Variants in PLPPR3 observed in about 807,000 individuals in gnomAD.
PLPPR3 encodes phospholipid phosphatase-related protein type 3.
Under a neutral mutation model 27.3 loss-of-function variants are expected in PLPPR3, and 14 were observed. The ratio of observed to expected loss-of-function variants is 0.51; its 90% CI spans 0.34 to 0.80. The LOEUF is 0.80. Among genes scored for constraint, PLPPR3 ranks in the 30% least tolerant of loss-of-function variants. PLPPR3 has a pLI of 0.01. For missense variants in PLPPR3, 1,287 were observed against 1,056.9 expected (o/e 1.22, Z -3.02); for synonymous variants, 671 against 508.0 (o/e 1.32, Z -4.32).
At position 814,530 on chromosome 19, in the gene PLPPR3, C is replaced by T. The variant is rs139356853; in HGVS notation, c.735G>A (p.Ala245=). 6 of 1,611,772 alleles carry T rather than the reference C, an allele frequency of 3.7e-6. No homozygotes were observed. In the South Asian group the frequency reaches 4.4e-5, roughly 12 times the overall value. Residue 245 remains alanine, a synonymous_variant, in exon 7 of 8, where the codon GCG becomes GCA. Transcript: ENST00000520876. ...TGATCTGCGTGAGCCCGCATACGCC[C>T]GCGGCGATGGCAAAGGCGAAGACCA... ...PILVFAFAIA[A]GVCGLTQITQ...
rs2034997319 is a variant in PLPPR3, at chr19:813,791, G to C, written c.936C>G (p.Asp312Glu). The C allele has an allele frequency of 6.6e-7, 1 of 1,525,934 alleles. No homozygotes were observed. Among genetic ancestry groups the C allele is most frequent in the Non-Finnish European group, 8.8e-7 (1 of 1,142,448 alleles). The allele number at this position is 1,525,934 out of a possible 1,614,324, so 94.5% of individuals were successfully genotyped here. The change falls in exon 8 of 8, where the codon GAC (aspartate) becomes GAG (glutamate). Residue 312 changes from aspartate to glutamate, a missense_variant. Coordinates refer to ENST00000520876, the MANE Select transcript of PLPPR3 (RefSeq NM_001270366.2). The surrounding 1 kb of genome is among the most constrained non-coding windows in gnomAD (Gnocchi z 4.1). ...CCGACTTATTCTGCTGATAAACCGA[G>C]TCGTGGCCCCGCTGCGTCAGGGCCC... ...ALRALTQRGH[D>E]SVYQQNKSVS... is the part of the protein sequence containing the mutation.
In PLPPR3 at chr19:820,464, C is replaced by T. The variant is rs116577456; in HGVS notation, c.75+1021G>A. Among the ~76,000 whole-genome samples the T allele has an allele frequency of 4.6e-3, 706 of 151,998 alleles. 4 individuals carry two copies. Among genetic ancestry groups the T allele is most frequent in the African/African-American group, 0.016 (650 of 41,420 alleles). On this transcript the variant is annotated intron_variant, in intron 2 of 7. Coordinates refer to ENST00000520876, the MANE Select transcript of PLPPR3 (RefSeq NM_001270366.2). Reference sequence around the variant, plus strand: ...TCTCCCAAAGTGCTGGGATTACAAACATGACAAACGTGAGCCACCGCACAG... The same window carrying T: ...TCTCCCAAAGTGCTGGGATTACAAATATGACAAACGTGAGCCACCGCACAG...
In PLPPR3 at chr19:814,675, T is replaced by C. The variant is rs2035019548; in HGVS notation, c.657+17A>G. ...CAGCAAGAGGGCCTGGGAAGGGCAG[T>C]GAGGGGCCGGACTCACCGACACATA... On this transcript the variant is annotated intron_variant, in intron 6 of 7. Coordinates refer to ENST00000520876, the MANE Select transcript of PLPPR3 (RefSeq NM_001270366.2). 1 of 1,606,724 alleles carries C rather than the reference T, an allele frequency of 6.2e-7. No individual in the cohort carries two copies. The highest frequency in any genetic ancestry group is 1.1e-5 in the South Asian group (1 of 91,056).
Position 813,265 on chromosome 19 carries a change from C to G in PLPPR3, c.1462G>C (p.Ala488Pro). Residue 488 changes from alanine (A) to proline (P), a missense_variant, in exon 8 of 8, where the codon GCG (alanine) becomes CCG (proline). Physicochemically the swap from Ala to Pro is conservative, Grantham distance 27 (BLOSUM62 -1). Transcript: ENST00000520876. This position sits in a 1 kb window ranked among gnomAD's most constrained non-coding sequence, Gnocchi z 4.1. The stretch of plus-strand genomic sequence containing the variant: ...ATGTGCACCAGCGGCGGCGGCCCCG[C>G]GCGCGGTGGGAGGATGACCCGAGGC... ...LGPRVILPPRAGPPPLVHIPE... is the reference protein window; with the variant it reads ...LGPRVILPPRPGPPPLVHIPE... 3.4e-6 allele frequency: 5 copies of G among 1,472,530 alleles called. No individual in the cohort carries two copies. In the South Asian group the frequency reaches 6.5e-5, roughly 19 times the overall value. 91.2% of individuals were successfully genotyped at this position (1,472,530 alleles called of 1,614,324 possible).
Position 812,568 on chromosome 19 carries a change from C to T in PLPPR3, c.*2G>A, listed in dbSNP as rs1458096603. On this transcript the variant is annotated 3_prime_UTR_variant, in exon 8 of 8. Coordinates refer to ENST00000520876, the MANE Select transcript of PLPPR3 (RefSeq NM_001270366.2). ...CCCCCGCCCGCCCCCGGCCCCGCCGCGCTAGTCGGGGAAGCGGCGCGCCTG... is the reference window on the plus strand; with the variant it reads ...CCCCCGCCCGCCCCCGGCCCCGCCGTGCTAGTCGGGGAAGCGGCGCGCCTG... 1 of 1,030,066 alleles carries T rather than the reference C, an allele frequency of 9.7e-7. No individual in the cohort carries two copies. Among genetic ancestry groups the T allele is most frequent in the Non-Finnish European group, 1.2e-6 (1 of 856,488 alleles). 63.8% of individuals were successfully genotyped at this position (1,030,066 alleles called of 1,614,324 possible).
Position 814,955 on chromosome 19 carries a change from C to A in PLPPR3, c.530G>T (p.Cys177Phe), listed in dbSNP as rs1268632219. Residue 177 changes from cysteine to phenylalanine, a missense_variant, in exon 5 of 8, where the codon TGC (cysteine) becomes TTC (phenylalanine). Physicochemically the swap from Cys to Phe is radical, Grantham distance 205. Coordinates refer to ENST00000520876, the MANE Select transcript of PLPPR3 (RefSeq NM_001270366.2). The part of the protein sequence containing the change: ...KPNYTLLGTS[C>F]EVNPYITQDI... Reference sequence around the variant, plus strand: ...CTGCGTGATGTAGGGGTTGACCTCGCAGGACGTGCCCAGGAGAGTGTAGTT... The same window carrying A: ...CTGCGTGATGTAGGGGTTGACCTCGAAGGACGTGCCCAGGAGAGTGTAGTT... The A allele has an allele frequency of 6.2e-7, 1 of 1,612,598 alleles. No individual in the cohort carries two copies. The highest frequency in any genetic ancestry group is 8.5e-7 in the Non-Finnish European group (1 of 1,179,966).
intron 2 of PLPPR3, among the ~76,000 whole-genome samples, chr19:817,349 C>T (rs1437646039): frequency 6.6e-6 from 1 of 152,118 alleles, no homozygotes; most frequent in Non-Finnish European, 1.5e-5. Flanking sequence ...TCTCGGCTCA[C>T]TGCAAACTCC....
In PLPPR3 at chr19:815,169, C is replaced by A; in HGVS notation, c.403+17G>T. 1.2e-6 allele frequency: 2 copies of A among 1,601,958 alleles called. No homozygotes were observed. The highest frequency in any genetic ancestry group is 1.7e-6 in the Non-Finnish European group (2 of 1,178,784). On this transcript the variant is annotated intron_variant, in intron 4 of 7. Coordinates refer to ENST00000520876, the MANE Select transcript of PLPPR3 (RefSeq NM_001270366.2). ...ATGTGGAGGTAGCTCAGGGTCGGGG[C>A]GCGTCCCGCAACTCACCCACAAACC...
At position 813,252 on chromosome 19, in the gene PLPPR3, G is replaced by A. The variant is rs745874203; in HGVS notation, c.1475C>T (p.Pro492Leu). ...GCCCTCCTCCGGGATGTGCACCAGCGGCGGCGGCCCCGCGCGCGGTGGGAG... is the reference window on the plus strand; with the variant it reads ...GCCCTCCTCCGGGATGTGCACCAGCAGCGGCGGCCCCGCGCGCGGTGGGAG... ...VILPPRAGPP[P>L]LVHIPEEGAQ... The change falls in exon 8 of 8, where the codon CCG becomes CTG. Residue 492 changes from proline to leucine, a missense_variant. Physicochemically the swap from Pro to Leu is moderately conservative, Grantham distance 98. Coordinates refer to ENST00000520876, the MANE Select transcript of PLPPR3 (RefSeq NM_001270366.2). The surrounding 1 kb of genome is among the most constrained non-coding windows in gnomAD (Gnocchi z 4.1). The A allele has an allele frequency of 1.4e-5, 21 of 1,474,702 alleles. No individual in the cohort carries two copies. The highest frequency in any genetic ancestry group is 1.4e-4 in the South Asian group (11 of 77,880). The allele number at this position is 1,474,702 out of a possible 1,614,324, so 91.4% of individuals were successfully genotyped here.
At position 813,180 on chromosome 19, in the gene PLPPR3, C is replaced by T; in HGVS notation, c.1547G>A (p.Arg516His). Residue 516 changes from arginine (R) to histidine (H), a missense_variant, in exon 8 of 8, where the codon CGC (arginine) becomes CAC (histidine). Arg to His is a conservative substitution (Grantham distance 29, BLOSUM62 0). Transcript: ENST00000520876. The surrounding 1 kb of genome is among the most constrained non-coding windows in gnomAD (Gnocchi z 4.1). ...CTCGGCCATCATGAGCCACTTGGCG[C>T]GCACCCCGGCGCCGCTTTTGGGGGA... ...GLSPKSGAGV[R>H]AKWLMMAEKS... The T allele has an allele frequency of 6.6e-7, 1 of 1,511,272 alleles. No homozygotes were observed. The highest frequency in any genetic ancestry group is 1.5e-5 in the African/African-American group (1 of 68,294). The allele number at this position is 1,511,272 out of a possible 1,614,324, so 93.6% of individuals were successfully genotyped here. A position where few individuals can be genotyped will look rare whatever the true frequency, so the allele number is the denominator to read the frequency against.
At chr19:823,754 C>T (rs1468903291), upstream of PLPPR3, among the ~76,000 whole-genome samples, 3 of 151,958 alleles carry the variant, frequency 2.0e-5, no homozygotes, top group Non-Finnish European at 2.9e-5. Context: ...GGGTCCCATT[C>T]GATGCGATCC....
In PLPPR3 at chr19:813,035, G is replaced by A. The variant is rs1218001637; in HGVS notation, c.1692C>T (p.Ser564=). 2.6e-6 allele frequency: 4 copies of A among 1,517,292 alleles called. No individual in the cohort carries two copies. The highest frequency in any genetic ancestry group is 2.7e-5 in the East Asian group (1 of 37,678). 94.0% of individuals were successfully genotyped at this position (1,517,292 alleles called of 1,614,324 possible). A position where few individuals can be genotyped will look rare whatever the true frequency, so the allele number is the denominator to read the frequency against. The change falls in exon 8 of 8, where the codon TCC becomes TCT. Residue 564 remains serine (S), a synonymous_variant. Transcript: ENST00000520876. The surrounding 1 kb of genome is among the most constrained non-coding windows in gnomAD (Gnocchi z 4.1). The part of the protein sequence containing the change: ...AETASSSSAS[S]DSSQYRSPSD... ...ACGGCGACCGGTACTGCGAGGAGTC[G>A]GAGCTGGCGCTGGACGACGACGCCG...
chr19:821,829 C>T (rs565422231), intron 1 of PLPPR3, 86 bp downstream of exon 1: 265 of 307,640 alleles, frequency 8.6e-4, no homozygotes, highest in African/African-American at 5.1e-3. Flanking sequence ...CCAGTCCCCG[C>T]GTGGTGGTGG....
intron 1 of PLPPR3, 58 bp from the exon 2 acceptor site, chr19:821,643 C>T (rs899064552): frequency 5.0e-6 from 4 of 798,344 alleles, no homozygotes; most frequent in African/African-American, 1.9e-5. Flanking sequence ...GGGGGAGACA[C>T]GGTGGCCGGC....
rs546087828 is a variant in PLPPR3 at position 813,299 on chromosome 19, C to G, written c.1428G>C (p.Pro476=). ...GGAGGATGACCCGAGGCCCCAGCCC[C>G]GGCCGCGCCTGCACGGTGGGGTAGA... The part of the protein sequence containing the change: ...PSLYPTVQAR[P]GLGPRVILPP... The change falls in exon 8 of 8, where the codon CCG becomes CCC. Residue 476 remains proline, a synonymous_variant. Transcript: ENST00000520876. The surrounding 1 kb of genome is among the most constrained non-coding windows in gnomAD (Gnocchi z 4.1). 6.3e-5 allele frequency: 92 copies of G among 1,458,370 alleles called. No individual in the cohort carries two copies. Among genetic ancestry groups the G allele is most frequent in the Non-Finnish European group, 7.6e-5 (85 of 1,118,352 alleles). 90.3% of individuals were successfully genotyped at this position (1,458,370 alleles called of 1,614,324 possible).
intron 2 of PLPPR3, among the ~76,000 whole-genome samples, chr19:817,750 C>A (rs2035083241): frequency 6.6e-6 from 1 of 152,164 alleles, no homozygotes; most frequent in Non-Finnish European, 1.5e-5. Context: ...AGTGAGCATT[C>A]ATTGAGTGCC....
rs766960581 is a variant in PLPPR3, at chr19:815,327, TC to T, written c.262-1del. On this transcript the variant is annotated splice_acceptor_variant, in intron 3 of 7. Transcript: ENST00000520876. LOFTEE classifies it high-confidence loss of function. Reference sequence around the variant, plus strand: ...TACAACATGCCCTCGGCCACCATGATCTGCCAACAGGGAGGGGGCGCTCAGG... The same window carrying T: ...TACAACATGCCCTCGGCCACCATGATTGCCAACAGGGAGGGGGCGCTCAGG... 1 of 1,540,148 alleles carries T rather than the reference TC, an allele frequency of 6.5e-7. No individual in the cohort carries two copies. Among genetic ancestry groups the T allele is most frequent in the South Asian group, 1.2e-5 (1 of 83,560 alleles).
intron 2 of PLPPR3, among the ~76,000 whole-genome samples, chr19:820,349 A>G (rs1164671167): frequency 2.0e-5 from 3 of 151,694 alleles, no homozygotes; most frequent in Non-Finnish European, 4.4e-5. Context: ...CGCCCAACTA[A>G]TATTTTAATT....
intron 2 of PLPPR3, 28 bp downstream of exon 2, chr19:821,457 C>T (rs1481417387): frequency 4.0e-6 from 6 of 1,505,356 alleles, no homozygotes; most frequent in Non-Finnish European, 5.3e-6. Context: ...AGGCGTCTCC[C>T]CCGGGCCCCA....
Sources: gnomAD v4.1 joint callset for allele counts (sites outside exome capture counted in the v4.1 genomes callset) on GRCh38, gnomAD v4.1.1 for gene constraint, Gnocchi (gnomAD v3.1) non-coding constraint, MANE v1.5 for transcripts, NCBI Gene and HGNC (gene_info 2026-07-23, HGNC 2026-07-21) for gene names.